The following FRS2 variants were observed in gnomAD, a reference collection of about 807,000 sequenced individuals.
The protein encoded by FRS2 is fibroblast growth factor receptor substrate 2.
FRS2 carries 8 observed loss-of-function variants against 43.9 expected under a neutral mutation model. The observed-to-expected ratio is 0.18, with a 90% CI of 0.11 to 0.33. FRS2 has a LOEUF of 0.33. FRS2 is among the 10% of genes least tolerant of loss of function. The pLI, the probability that FRS2 is intolerant of heterozygous loss-of-function variation, is 1.00. For synonymous variants in FRS2, 219 were observed against 220.3 expected (o/e 0.99, Z 0.05); for missense variants, 534 against 627.6 (o/e 0.85, Z 1.59).
intron 1 of FRS2, chr12:69,480,157 T>G (rs1188669560): frequency 6.6e-6 from 1 of 152,260 alleles, no homozygotes; most frequent in Non-Finnish European, 1.5e-5. Flanking sequence ...TTAACCATTT[T>G]TAAGTGTACA....
chr12:69,502,838 C>G (rs916078320), intron 1 of FRS2, among the ~76,000 whole-genome samples: 1 of 152,142 alleles, frequency 6.6e-6, no homozygotes, highest in African/African-American at 2.4e-5. Context: ...GGAAGTGTTG[C>G]TGAAGCTAGA....
chr12:69,480,093 AT>A (rs1871222342), intron 1 of FRS2, among the ~76,000 whole-genome samples: 1 of 152,130 alleles, frequency 6.6e-6, no homozygotes. Flanking sequence ...TTATTTAACT[AT>A]TATGCCCATT....
At chr12:69,483,230 T>C (rs1215428866) in intron 1 of FRS2, among the ~76,000 whole-genome samples, 3 of 152,186 alleles carry the variant, frequency 2.0e-5, no homozygotes, top group Non-Finnish European at 4.4e-5. Context: ...TGCGTGCATG[T>C]GTACATATAG....
chr12:69,476,753 C>CGGGGGGGGAGGGGG (rs1870812294), intron 1 of FRS2, among the ~76,000 whole-genome samples: 1 of 80,110 alleles, frequency 1.2e-5, no homozygotes, highest in African/African-American at 4.7e-5. Flanking sequence ...GGGGGAGGGA[C>CGGGGGGGGAGGGGG]GGGGGGGGGT....
At chr12:69,474,262 C>T (rs1417349581) in intron 1 of FRS2, among the ~76,000 whole-genome samples, 8 of 152,008 alleles carry the variant, frequency 5.3e-5, no homozygotes, top group East Asian at 1.9e-4. Flanking sequence ...ACTTGCCAAA[C>T]GCTGGAAATG....
Position 69,571,262 on chromosome 12 carries a change from G to A in FRS2, c.254-14G>A. The stretch of plus-strand genomic sequence containing the variant: ...GTATGTTAACTATTTTTCCCTTTTG[G>A]TTTATATTTGTAGGAATCTTTGCCT... On this transcript the variant is annotated splice_polypyrimidine_tract_variant and intron_variant, in intron 6 of 8. Coordinates refer to ENST00000549921, the MANE Select transcript of FRS2 (RefSeq NM_001278356.2). 6.4e-7 allele frequency: 1 copy of A among 1,563,750 alleles called. No individual in the cohort carries two copies.
At chr12:69,560,774 T>C (rs1043650473) in intron 3 of FRS2, among the ~76,000 whole-genome samples, 1 of 152,200 alleles carries the variant, frequency 6.6e-6, no homozygotes, top group Non-Finnish European at 1.5e-5. Context: ...AAAATTGTTT[T>C]CTTTTTTACT....
intron 7 of FRS2, among the ~76,000 whole-genome samples, chr12:69,571,693 C>G (rs1880772966): frequency 6.6e-6 from 1 of 151,952 alleles, no homozygotes; most frequent in Non-Finnish European, 1.5e-5. Flanking sequence ...ACCTCCATCT[C>G]TACTAAAAAA....
At chr12:69,518,776 A>C (rs527813418) in intron 1 of FRS2, among the ~76,000 whole-genome samples, 1 of 152,034 alleles carries the variant, frequency 6.6e-6, no homozygotes, top group East Asian at 1.9e-4. Flanking sequence ...GCACTTTGGG[A>C]GGCCGAGGCA....
At chr12:69,516,022 G>T (rs1045570684) in intron 1 of FRS2, among the ~76,000 whole-genome samples, 1 of 151,732 alleles carries the variant, frequency 6.6e-6, no homozygotes, top group African/African-American at 2.4e-5. Flanking sequence ...TTTCTGTGAT[G>T]TCAATTAAGC....
intron 1 of FRS2, among the ~76,000 whole-genome samples, chr12:69,473,422 C>G (rs1020156951): frequency 6.6e-6 from 1 of 151,996 alleles, no homozygotes; most frequent in Non-Finnish European, 1.5e-5. Flanking sequence ...GTGAAGAAGG[C>G]CTTTCAAATA....
intron 1 of FRS2, among the ~76,000 whole-genome samples, chr12:69,525,736 C>G (rs1686919309): frequency 6.6e-6 from 1 of 151,786 alleles, no homozygotes; most frequent in African/African-American, 2.4e-5. Flanking sequence ...ACCATAAACT[C>G]AACCAAGTGG....
intron 1 of FRS2, among the ~76,000 whole-genome samples, chr12:69,525,772 G>GT (rs1876158468): frequency 6.6e-6 from 1 of 151,638 alleles, no homozygotes; most frequent in South Asian, 2.1e-4. Context: ...AAGAATGTTG[G>GT]TTTTTGCTGA....
At chr12:69,510,557 C>T (rs1413959299) in intron 1 of FRS2, among the ~76,000 whole-genome samples, 1 of 152,080 alleles carries the variant, frequency 6.6e-6, no homozygotes, top group Non-Finnish European at 1.5e-5. Context: ...TGTCATTGTA[C>T]CCTTTATCAC....
At chr12:69,555,180 G>A (rs1237571295) in intron 3 of FRS2, among the ~76,000 whole-genome samples, 1 of 151,884 alleles carries the variant, frequency 6.6e-6, no homozygotes, top group Non-Finnish European at 1.5e-5. Flanking sequence ...GAGTAGCTGG[G>A]ATTACAGGCA....
intron 3 of FRS2, among the ~76,000 whole-genome samples, chr12:69,546,818 C>T (rs1878452157): frequency 1.3e-5 from 2 of 152,172 alleles, no homozygotes; most frequent in South Asian, 4.1e-4. Flanking sequence ...AAGAGTATGG[C>T]TGTTTCTCAA....
chr12:69,510,083 C>G (rs1334970816), intron 1 of FRS2, among the ~76,000 whole-genome samples: 2 of 152,114 alleles, frequency 1.3e-5, no homozygotes, highest in Non-Finnish European at 2.9e-5. Context: ...ATCTCTAGCC[C>G]CCTCTTTCTC....
Position 69,560,682 on chromosome 12 carries a change from G to A in FRS2, c.-121-1498G>A, listed in dbSNP as rs116570988. ...GATAATCCAAATGACTCTATGTGTG[G>A]CATACAGTAAGGTAAATTAGTTTGC... On this transcript the variant is annotated intron_variant, in intron 3 of 8. Coordinates refer to ENST00000549921, the MANE Select transcript of FRS2 (RefSeq NM_001278356.2). Among the ~76,000 whole-genome samples, 241 of 152,270 alleles carry A rather than the reference G, an allele frequency of 1.6e-3. 2 individuals are homozygous for A. Among genetic ancestry groups the A allele is most frequent in the African/African-American group, 5.6e-3 (231 of 41,558 alleles).
intron 1 of FRS2, among the ~76,000 whole-genome samples, chr12:69,509,301 G>T (rs149094242): frequency 6.6e-6 from 1 of 152,124 alleles, no homozygotes; most frequent in Admixed American, 6.6e-5. Context: ...TTGGTTTTCA[G>T]GGGGAGGCCA....
Sources: allele counts gnomAD v4.1 joint callset (sites outside exome capture counted in the v4.1 genomes callset), GRCh38; gene constraint gnomAD v4.1.1; transcripts MANE v1.5; gene names NCBI Gene and HGNC (gene_info 2026-07-23, HGNC 2026-07-21).